The following FAM131B variants were observed in gnomAD, a reference collection of about 807,000 sequenced individuals.
The protein encoded by FAM131B is family with sequence similarity 131 member B, also known as protein FAM131B.
Under a neutral mutation model 42.0 loss-of-function variants are expected in FAM131B, and 19 were observed. The observed-to-expected ratio is 0.45, with a 90% CI of 0.32 to 0.66. The LOEUF (loss-of-function observed/expected upper bound fraction) is 0.66, where lower values mean the gene tolerates loss of function less well. Among genes scored for constraint, FAM131B ranks in the 30% least tolerant of loss-of-function variants. The probability of loss-of-function intolerance (pLI) is 0.05; values close to 1 mark genes in which losing one functional copy is unlikely to be tolerated. For synonymous variants in FAM131B, 183 were observed against 177.6 expected (o/e 1.03, Z -0.24); for missense variants, 370 against 468.4 (o/e 0.79, Z 1.94).
the FAM131B span, among the ~76,000 whole-genome samples, chr7:143,370,424 G>A: frequency 6.6e-6 from 1 of 152,186 alleles, no homozygotes; most frequent in Non-Finnish European, 1.5e-5. Flanking sequence ...ACAAGGCTAA[G>A]ACCTGCTGGG....
At chr7:143,375,360 G>A in the FAM131B span, among the ~76,000 whole-genome samples, 2 of 152,178 alleles carry the variant, frequency 1.3e-5, no homozygotes, top group Non-Finnish European at 2.9e-5. Context: ...TCTCACGCTT[G>A]GGTACAAAGG....
At chr7:143,361,603 T>C (rs1803983998) in intron 1 of FAM131B, 1 of 131,410 alleles carries the variant, frequency 7.6e-6, no homozygotes, top group Admixed American at 8.4e-5. Context: ...GCGGGAGAAA[T>C]TGGGAGTTGG....
At position 143,353,614 on chromosome 7, in the gene FAM131B, G is replaced by A. The variant is rs1249231031; in HGVS notation, c.*2936C>T. On this transcript the variant is annotated 3_prime_UTR_variant, in exon 7 of 7. Transcript: ENST00000443739. ...AATATATGTCATAGAATCTCTCTTGGGCCTGGCGTGGGAATGTGACATTAA... is the reference window on the plus strand; with the variant it reads ...AATATATGTCATAGAATCTCTCTTGAGCCTGGCGTGGGAATGTGACATTAA... 6.6e-6 allele frequency: 1 copy of A among 152,364 alleles called. No homozygotes were observed. Among genetic ancestry groups the A allele is most frequent in the Admixed American group, 6.6e-5 (1 of 15,240 alleles). 9.4% of individuals were successfully genotyped at this position (152,364 alleles called of 1,614,324 possible).
chr7:143,381,506 T>C, the FAM131B span: 2 of 1,536,326 alleles, frequency 1.3e-6, no homozygotes, highest in Admixed American at 3.9e-5. Flanking sequence ...TGGGACCGCC[T>C]GGGGCTCCTG....
chr7:143,379,788 C>CG, the FAM131B span: 2 of 152,182 alleles, frequency 1.3e-5, no homozygotes, highest in Non-Finnish European at 2.9e-5. Context: ...AATGAAGAGG[C>CG]GTCAGTTTGG....
the FAM131B span, among the ~76,000 whole-genome samples, chr7:143,370,834 C>T: frequency 2.0e-5 from 3 of 152,160 alleles, no homozygotes; most frequent in Non-Finnish European, 2.9e-5. Flanking sequence ...ATGGACTCGC[C>T]CTGAGTTCCT....
chr7:143,369,487 C>T, the FAM131B span, among the ~76,000 whole-genome samples: 26,191 of 151,812 alleles, frequency 0.17, 2,458 homozygotes, highest in East Asian at 0.29. Flanking sequence ...CCTGCCTGGC[C>T]AACACGGTGA....
chr7:143,374,548 C>T, the FAM131B span, among the ~76,000 whole-genome samples: 6 of 152,222 alleles, frequency 3.9e-5, no homozygotes, highest in Admixed American at 6.5e-5. Context: ...AGTCTCTTCA[C>T]GCCCCTCTTT....
chr7:143,360,558 G>T, intron 1 of FAM131B: 1 of 268,482 alleles, frequency 3.7e-6, no homozygotes, highest in Non-Finnish European at 6.0e-6. Context: ...GAAGGGATGT[G>T]TCTCCCCCGG....
chr7:143,382,244 C>T, the FAM131B span: 1 of 1,612,002 alleles, frequency 6.2e-7, no homozygotes, highest in Admixed American at 1.7e-5. Flanking sequence ...CCTTCCTACC[C>T]CAGACTTTCC....
chr7:143,376,796 C>T, the FAM131B span, among the ~76,000 whole-genome samples: 7 of 152,286 alleles, frequency 4.6e-5, no homozygotes, highest in African/African-American at 1.2e-4. Context: ...CAGTACTCAG[C>T]GCAAGGGAGG....
At chr7:143,380,860 G>T in the FAM131B span, 1 of 847,758 alleles carries the variant, frequency 1.2e-6, no homozygotes, top group Non-Finnish European at 1.4e-6. The surrounding 1 kb of genome is among the most constrained non-coding windows in gnomAD (Gnocchi z 5.0). Flanking sequence ...GCGGGTGGTG[G>T]CAGGAGGGGA....
At chr7:143,381,491 G>A in the FAM131B span, 7 of 1,460,268 alleles carry the variant, frequency 4.8e-6, no homozygotes, top group Admixed American at 2.4e-5. Context: ...GTCACCAAGG[G>A]GAGCTGGGAC....
the FAM131B span, among the ~76,000 whole-genome samples, chr7:143,372,821 T>A: frequency 5.9e-5 from 9 of 151,988 alleles, no homozygotes; most frequent in East Asian, 1.7e-3. Context: ...TAACCAGGTG[T>A]CGTGGTGGGC....
the FAM131B span, among the ~76,000 whole-genome samples, chr7:143,376,261 A>T: frequency 1.1e-4 from 16 of 151,826 alleles, no homozygotes; most frequent in African/African-American, 2.2e-4. Context: ...TGATTAGAAA[A>T]TTTTTTTTTC....
intron 1 of FAM131B, chr7:143,360,896 A>C (rs1174872214): frequency 6.6e-6 from 1 of 152,296 alleles, no homozygotes. Context: ...ACTCAGGGGA[A>C]GGAGGGTCCT....
chr7:143,373,549 G>A, the FAM131B span, among the ~76,000 whole-genome samples: 1 of 152,308 alleles, frequency 6.6e-6, no homozygotes, highest in East Asian at 1.9e-4. Flanking sequence ...TCAGGGCTAT[G>A]GGGAAAACAT....
At chr7:143,381,386 G>A in the FAM131B span, 1 of 1,182,178 alleles carries the variant, frequency 8.5e-7, no homozygotes, top group Non-Finnish European at 1.0e-6. Flanking sequence ...CACCCGAGAC[G>A]CGGCGCGCAC....
chr7:143,358,064 T>C lies in FAM131B; in HGVS notation c.467-641A>G, dbSNP rs551758796. The stretch of plus-strand genomic sequence containing the variant: ...GTGGGCTTGTGGGTCCACCATAATA[T>C]AAAACTGAAATTCAAGGGATTGGAA... On this transcript the variant is annotated intron_variant, in intron 5 of 6. Transcript: ENST00000443739. This position sits in a 1 kb window ranked among gnomAD's most constrained non-coding sequence, Gnocchi z 4.7. Among the ~76,000 whole-genome samples, 8 of 152,018 alleles carry C rather than the reference T, an allele frequency of 5.3e-5. No homozygotes were observed. Among genetic ancestry groups the C allele is most frequent in the Non-Finnish European group, 8.8e-5 (6 of 67,978 alleles).
Sources: allele counts gnomAD v4.1 joint callset (sites outside exome capture counted in the v4.1 genomes callset), GRCh38; gene constraint gnomAD v4.1.1; non-coding constraint Gnocchi (gnomAD v3.1); transcripts MANE v1.5; gene names NCBI Gene and HGNC (gene_info 2026-07-23, HGNC 2026-07-21).